The following ELL variants were observed in gnomAD, a reference collection of about 807,000 sequenced individuals.
The protein encoded by ELL is RNA polymerase II elongation factor ELL.
ELL carries 18 observed loss-of-function variants against 64.0 expected under a neutral mutation model. The observed-to-expected ratio is 0.28, with a 90% confidence interval of 0.19 to 0.42. The LOEUF is 0.42. Ranked by LOEUF, ELL falls within the 10% of genes least tolerant of loss-of-function variation. The pLI is 1.00. For synonymous variants in ELL, 399 were observed against 376.2 expected (o/e 1.06, Z -0.70); for missense variants, 797 against 870.4 (o/e 0.92, Z 1.06).
At chr19:18,487,063 A>G (rs1288181431) in intron 1 of ELL, among the ~76,000 whole-genome samples, 3 of 151,988 alleles carry the variant, frequency 2.0e-5, no homozygotes, top group Admixed American at 1.3e-4. Context: ...AATCCTAATC[A>G]CTCAGGAACA....
chr19:18,518,323 G>A (rs141256347), intron 1 of ELL, among the ~76,000 whole-genome samples: 1,858 of 150,554 alleles, frequency 0.012, 42 homozygotes, highest in African/African-American at 0.043. Flanking sequence ...AACATAGTGA[G>A]ACCCCGTCTC....
chr19:18,522,018 G>A lies in ELL; in HGVS notation c.38C>T (p.Ser13Leu), dbSNP rs1298644579. 78 of 1,610,280 alleles carry A rather than the reference G, an allele frequency of 4.8e-5. No individual in the cohort carries two copies. The highest frequency in any genetic ancestry group is 6.5e-5 in the Non-Finnish European group (77 of 1,178,448). The change falls in exon 1 of 12, where the codon TCG becomes TTG. Residue 13 changes from serine to leucine, a missense_variant. Physicochemically the swap from Ser to Leu is moderately radical, Grantham distance 145 (BLOSUM62 -2). Transcript: ENST00000262809. ...ALKEDRSYGL[S>L]CGRVSDGSKV... Reference sequence around the variant, plus strand: ...GCTGCCGTCGCTAACCCGCCCGCACGACAGCCCGTAGCTCCTATCCTCCTT... The same window carrying A: ...GCTGCCGTCGCTAACCCGCCCGCACAACAGCCCGTAGCTCCTATCCTCCTT...
At chr19:18,503,874 A>G (rs1975831125) in intron 1 of ELL, among the ~76,000 whole-genome samples, 1 of 152,134 alleles carries the variant, frequency 6.6e-6, no homozygotes, top group African/African-American at 2.4e-5. Context: ...GCACCTGGCT[A>G]ACTGGAGTCA....
At chr19:18,475,902 A>G (rs1308165422) in intron 1 of ELL, 2 of 152,198 alleles carry the variant, frequency 1.3e-5, no homozygotes, top group African/African-American at 4.8e-5. Context: ...AGGGCACAGG[A>G]GCAACATTCT....
chr19:18,457,233 G>A (rs1247249687), intron 6 of ELL, among the ~76,000 whole-genome samples: 3 of 152,218 alleles, frequency 2.0e-5, no homozygotes, highest in Non-Finnish European at 4.4e-5. Context: ...ACGCCCCAGA[G>A]GTGCAGCCCA....
At chr19:18,510,775 C>T (rs912728480) in intron 1 of ELL, among the ~76,000 whole-genome samples, 3 of 152,188 alleles carry the variant, frequency 2.0e-5, no homozygotes, top group Non-Finnish European at 4.4e-5. Context: ...ATGTAAAATG[C>T]TGCAGCCGCT....
At chr19:18,509,577 G>A (rs1975955357) in intron 1 of ELL, among the ~76,000 whole-genome samples, 1 of 136,132 alleles carries the variant, frequency 7.3e-6, no homozygotes, top group African/African-American at 3.0e-5. Context: ...ACAGGCCAAT[G>A]CACGTGCGCG....
intron 8 of ELL, 129 bp downstream of exon 8, chr19:18,450,348 G>A: frequency 1.4e-6 from 2 of 1,428,180 alleles, no homozygotes; most frequent in Admixed American, 2.6e-5. Context: ...AAATCTGATG[G>A]GGCCTGGGGC....
At chr19:18,452,370 G>A (rs1974559036) in intron 6 of ELL, among the ~76,000 whole-genome samples, 1 of 152,194 alleles carries the variant, frequency 6.6e-6, no homozygotes, top group African/African-American at 2.4e-5. Flanking sequence ...CTAACAAATG[G>A]GCTAGGCTAC....
intron 1 of ELL, among the ~76,000 whole-genome samples, chr19:18,503,102 A>G (rs1801209169): frequency 6.6e-6 from 1 of 152,246 alleles, no homozygotes; most frequent in East Asian, 1.9e-4. Context: ...GTGGTAAAAC[A>G]GGAACCTGGC....
At chr19:18,472,579 G>A (rs1044105840) in intron 2 of ELL, 26 of 496,498 alleles carry the variant, frequency 5.2e-5, no homozygotes, top group Middle Eastern at 5.3e-4. Flanking sequence ...GAAGCTAGGT[G>A]CACATCGCTG....
intron 1 of ELL, among the ~76,000 whole-genome samples, chr19:18,513,656 G>A (rs544514521): frequency 1.3e-5 from 2 of 152,324 alleles, no homozygotes; most frequent in African/African-American, 4.8e-5. Flanking sequence ...TTCAGGCTGG[G>A]CCCAGTGGCT....
intron 1 of ELL, among the ~76,000 whole-genome samples, chr19:18,481,314 G>A (rs112583951): frequency 0.018 from 2,808 of 152,298 alleles, 30 homozygotes; most frequent in Middle Eastern, 0.037. Context: ...CTCACGGACT[G>A]GGGGCCAGAA....
chr19:18,459,066 G>C (rs1447087542), intron 5 of ELL, among the ~76,000 whole-genome samples: 1 of 152,066 alleles, frequency 6.6e-6, no homozygotes, highest in Non-Finnish European at 1.5e-5. Flanking sequence ...TTTTTGTATA[G>C]ATAGGATCTC....
In ELL at chr19:18,450,814, G is replaced by C. The variant is rs1391575178; in HGVS notation, c.1128C>G (p.Asp376Glu). The change falls in exon 8 of 12, where the codon GAC becomes GAG. Residue 376 changes from aspartate (D) to glutamate (E), a missense_variant. Physicochemically the swap from Asp to Glu is conservative, Grantham distance 45 (BLOSUM62 2). Transcript: ENST00000262809. ...GCAGGTGAGTGCTGGAGCTGAGGGT[G>C]TCCGTGCTGGCTGGTGGGCCCGGGG... The part of the protein sequence containing the change: ...LPTPGPPAST[D>E]TLSSSTHLPP... 7 of 1,586,800 alleles carry C rather than the reference G, an allele frequency of 4.4e-6. No individual in the cohort carries two copies. Among genetic ancestry groups the C allele is most frequent in the Non-Finnish European group, 6.0e-6 (7 of 1,165,850 alleles).
chr19:18,467,489 C>T (rs920072593), intron 2 of ELL, among the ~76,000 whole-genome samples: 3 of 151,986 alleles, frequency 2.0e-5, no homozygotes, highest in African/African-American at 4.8e-5. Flanking sequence ...CCAGGCCACA[C>T]CTGAACACAA....
chr19:18,498,038 G>C (rs1975696826), intron 1 of ELL, among the ~76,000 whole-genome samples: 4 of 151,944 alleles, frequency 2.6e-5, no homozygotes, highest in Admixed American at 2.6e-4. Context: ...TGAGGCAGGA[G>C]AATCACTTGA....
chr19:18,516,270 C>G (rs1364181713), intron 1 of ELL, among the ~76,000 whole-genome samples: 1 of 152,172 alleles, frequency 6.6e-6, no homozygotes, highest in Admixed American at 6.5e-5. Context: ...GTACTGGCCA[C>G]AGGCCTGAGG....
chr19:18,459,136 C>T (rs1475450058), intron 5 of ELL, among the ~76,000 whole-genome samples: 1 of 152,238 alleles, frequency 6.6e-6, no homozygotes, highest in Non-Finnish European at 1.5e-5. Flanking sequence ...ACCTCAGCCT[C>T]CCAAAGTGCT....
Sources: gnomAD v4.1 joint callset for allele counts (sites outside exome capture counted in the v4.1 genomes callset) on GRCh38, gnomAD v4.1.1 for gene constraint, MANE v1.5 for transcripts, NCBI Gene and HGNC (gene_info 2026-07-23, HGNC 2026-07-21) for gene names.